SPECC1: variants seen among roughly 807,000 people sequenced by gnomAD.
The protein encoded by SPECC1 is sperm antigen with calponin homology and coiled-coil domains 1.
A neutral mutation model predicts 104.1 loss-of-function variants in SPECC1; 62 were observed. The ratio of observed to expected loss-of-function variants is 0.60; its 90% confidence interval spans 0.49 to 0.74. The LOEUF is 0.74. SPECC1 is among the 30% of genes least tolerant of loss of function. The pLI, the probability that SPECC1 is intolerant of heterozygous loss-of-function variation, is 0.00. For missense variants in SPECC1, 1,306 were observed against 1,310.5 expected (o/e 1.00, Z 0.05); for synonymous variants, 513 against 501.6 (o/e 1.02, Z -0.30).
rs57782696 is a variant in SPECC1 at position 20,243,929 on chromosome 17, G to A, written c.2352-1997G>A. Reference sequence around the variant, plus strand: ...CTGAGTCATTTAAATGGACTGGTAAGAAGGTGGCCAGGCGCAGTGGCTCAT... The same window carrying A: ...CTGAGTCATTTAAATGGACTGGTAAAAAGGTGGCCAGGCGCAGTGGCTCAT... On this transcript the variant is annotated intron_variant, in intron 7 of 14. Coordinates refer to ENST00000395527, the MANE Select transcript of SPECC1 (RefSeq NM_001243439.2). 6.8e-3 allele frequency among the ~76,000 whole-genome samples: 1,027 copies of A among 151,992 alleles called. 10 individuals are homozygous for A. Among genetic ancestry groups the A allele is most frequent in the African/African-American group, 0.024 (978 of 41,306 alleles).
At chr17:20,182,326 G>A (rs1473101582) in intron 3 of SPECC1, among the ~76,000 whole-genome samples, 1 of 151,948 alleles carries the variant, frequency 6.6e-6, no homozygotes. Context: ...GTGTTGCTCA[G>A]GCTAGCAGCA....
chr17:20,246,044 A>G lies in SPECC1; in HGVS notation c.2470A>G (p.Ile824Val), dbSNP rs372114072. The G allele has an allele frequency of 6.2e-7, 1 of 1,614,204 alleles. No individual in the cohort carries two copies. The highest frequency in any genetic ancestry group is 8.5e-7 in the Non-Finnish European group (1 of 1,180,030). ...PESATTVKSL[I>V]KSFDLGRPGG... ...GTCGGCAACCACCGTTAAGTCACTT[A>G]TCAAGTCATTTGACTTGGGACGCCC... The change falls in exon 8 of 15, where the codon ATC becomes GTC. Residue 824 changes from isoleucine to valine, a missense_variant. Physicochemically the swap from Ile to Val is conservative, Grantham distance 29. This residue lies in a region of SPECC1 where 1,177 missense variants were observed against 1,139.9 expected (regional missense o/e 1.03). Coordinates refer to ENST00000395527, the MANE Select transcript of SPECC1 (RefSeq NM_001243439.2).
At chr17:20,153,952 TAGTA>T (rs1224304625) in intron 3 of SPECC1, among the ~76,000 whole-genome samples, 1 of 152,224 alleles carries the variant, frequency 6.6e-6, no homozygotes, top group East Asian at 1.9e-4. Flanking sequence ...TTATTTTCCT[TAGTA>T]TATTTGCTTG....
At position 20,143,206 on chromosome 17, in the gene SPECC1, A is replaced by G. The variant is rs1417911542; in HGVS notation, c.283+32644A>G. 3.3e-5 allele frequency among the ~76,000 whole-genome samples: 5 copies of G among 149,938 alleles called. No homozygotes were observed. In the East Asian group the frequency reaches 9.8e-4, roughly 29 times the overall value. ...AAAAAAAAAGCCTGGGCAACGTGGCAAAACCCCATCTCTATCAAAAATACA... is the reference window on the plus strand; with the variant it reads ...AAAAAAAAAGCCTGGGCAACGTGGCGAAACCCCATCTCTATCAAAAATACA... On this transcript the variant is annotated intron_variant, in intron 3 of 14. Coordinates refer to ENST00000395527, the MANE Select transcript of SPECC1 (RefSeq NM_001243439.2).
chr17:20,169,018 A>G lies in SPECC1; in HGVS notation c.284-35315A>G, dbSNP rs180947231. On this transcript the variant is annotated intron_variant, in intron 3 of 14. Coordinates refer to ENST00000395527, the MANE Select transcript of SPECC1 (RefSeq NM_001243439.2). ...TTCCTGAGTAACTGGGACTACAGGC[A>G]TGCGCTACCACACCCAGCTAATTTT... 2.8e-4 allele frequency among the ~76,000 whole-genome samples: 43 copies of G among 152,248 alleles called. No homozygotes were observed. The East Asian group carries it at 8.3e-3, about 29-fold the overall frequency.
At chr17:20,175,980 CT>C (rs1372700929) in intron 3 of SPECC1, among the ~76,000 whole-genome samples, 1 of 152,202 alleles carries the variant, frequency 6.6e-6, no homozygotes, top group Non-Finnish European at 1.5e-5. Context: ...TGAATTAGGC[CT>C]GATTTAAACT....
At chr17:20,199,140 G>A (rs572575465) in intron 3 of SPECC1, among the ~76,000 whole-genome samples, 1 of 134,712 alleles carries the variant, frequency 7.4e-6, no homozygotes, top group Non-Finnish European at 1.5e-5. Context: ...AGGCTGGAGT[G>A]CAGTAGTCTG....
At chr17:20,299,787 T>C (rs962627606) in intron 13 of SPECC1, among the ~76,000 whole-genome samples, 1 of 152,112 alleles carries the variant, frequency 6.6e-6, no homozygotes, top group Non-Finnish European at 1.5e-5. Context: ...TTAAATCATG[T>C]GAAGTCTGAG....
intron 13 of SPECC1, among the ~76,000 whole-genome samples, chr17:20,300,174 A>AG (rs1266466601): frequency 6.6e-6 from 1 of 152,196 alleles, no homozygotes; most frequent in East Asian, 1.9e-4. Context: ...AAGCATACAG[A>AG]GGGAGGACCG....
intron 1 of SPECC1, among the ~76,000 whole-genome samples, chr17:20,092,771 A>T (rs1404000996): frequency 1.3e-5 from 2 of 152,198 alleles, no homozygotes; most frequent in Non-Finnish European, 2.9e-5. Context: ...TTACAGTTTT[A>T]TGAAGTTGGC....
chr17:20,143,009 T>A (rs2031011844), intron 3 of SPECC1, among the ~76,000 whole-genome samples: 2 of 151,258 alleles, frequency 1.3e-5, no homozygotes, highest in African/African-American at 4.9e-5. Flanking sequence ...TCAAAAAAAA[T>A]AATAATTGAG....
intron 4 of SPECC1, among the ~76,000 whole-genome samples, chr17:20,215,753 C>T (rs2037446538): frequency 6.6e-6 from 1 of 152,174 alleles, no homozygotes. Flanking sequence ...GTACTGTTTT[C>T]TTTGTTCTTT....
At chr17:20,182,458 C>T (rs1280882160) in intron 3 of SPECC1, among the ~76,000 whole-genome samples, 3 of 152,050 alleles carry the variant, frequency 2.0e-5, no homozygotes, top group Non-Finnish European at 4.4e-5. Context: ...GGCCACCGGA[C>T]AGAATCGGTT....
chr17:20,238,483 G>GAC, intron 7 of SPECC1: 1 of 1,042,610 alleles, frequency 9.6e-7, no homozygotes, highest in South Asian at 4.6e-5. Flanking sequence ...CAAAGGATGA[G>GAC]ACAAGACAAA....
chr17:20,318,255 T>G lies in SPECC1; in HGVS notation c.*4190T>G, dbSNP rs528908560. ...AAGTCGCTGTTCTCTGCATTGAACA[T>G]GGATTGAATTTTCCTTGTCTGATGG... On this transcript the variant is annotated 3_prime_UTR_variant, in exon 15 of 15. Transcript: ENST00000395527. The G allele has an allele frequency of 1.3e-5, 3 of 232,506 alleles. No homozygotes were observed. The South Asian group carries it at 5.4e-4, about 42-fold the overall frequency. The allele number at this position is 232,506 out of a possible 1,614,324, so 14.4% of individuals were successfully genotyped here. A position where few individuals can be genotyped will look rare whatever the true frequency, so the allele number is the denominator to read the frequency against.
intron 12 of SPECC1, among the ~76,000 whole-genome samples, chr17:20,266,843 T>C (rs2040235381): frequency 6.6e-6 from 1 of 152,180 alleles, no homozygotes. Flanking sequence ...CTCCCCTCTC[T>C]TGAAGGGCTT....
At chr17:20,292,550 G>A (rs986421027) in intron 12 of SPECC1, among the ~76,000 whole-genome samples, 2 of 152,062 alleles carry the variant, frequency 1.3e-5, no homozygotes, top group South Asian at 2.1e-4. Flanking sequence ...GGCTGGTCTC[G>A]AACTCCTGAC....
chr17:20,272,896 A>T (rs1598120189), intron 12 of SPECC1, among the ~76,000 whole-genome samples: 1 of 152,208 alleles, frequency 6.6e-6, no homozygotes, highest in Non-Finnish European at 1.5e-5. Context: ...AAATCTCTCT[A>T]TGCAGATTGT....
chr17:20,305,927 G>A (rs1250246180), intron 13 of SPECC1, 96 bp from the exon 14 acceptor site: 1 of 1,086,508 alleles, frequency 9.2e-7, no homozygotes, highest in East Asian at 2.4e-5. Flanking sequence ...TTATAATAGT[G>A]AATAATCTAT....
Sources: gnomAD v4.1 joint callset for allele counts (sites outside exome capture counted in the v4.1 genomes callset) on GRCh38, gnomAD v4.1.1 for gene constraint, gnomAD v4.1.1 regional missense constraint, MANE v1.5 for transcripts, NCBI Gene and HGNC (gene_info 2026-07-23, HGNC 2026-07-21) for gene names.